The following EXOC2 variants were observed in gnomAD, a reference collection of about 807,000 sequenced individuals.
EXOC2 encodes the protein SEC5-like 1.
A neutral mutation model predicts 131.8 loss-of-function variants in EXOC2; 70 were observed. That is an observed-to-expected ratio of 0.53 (90% CI 0.44 to 0.65). The LOEUF is 0.65. Ranked by LOEUF, EXOC2 falls within the 30% of genes least tolerant of loss-of-function variation. The probability of loss-of-function intolerance (pLI) is 0.00; values close to 1 mark genes in which losing one functional copy is unlikely to be tolerated. For synonymous variants in EXOC2, 411 were observed against 398.4 expected (o/e 1.03, Z -0.38); for missense variants, 923 against 1,108.6 (o/e 0.83, Z 2.38).
At position 598,819 on chromosome 6, in the gene EXOC2, A is replaced by G; in HGVS notation, c.970+41T>C. On this transcript the variant is annotated intron_variant, in intron 9 of 27. Transcript: ENST00000230449. ...GAACACATTCCACATTCTTCCTATA[A>G]AAGGAAAGGAGAAGATCTAAAAGTA... 4 of 1,497,322 alleles carry G rather than the reference A, an allele frequency of 2.7e-6. No individual in the cohort carries two copies. The South Asian group carries it at 4.8e-5, about 18-fold the overall frequency. The allele number at this position is 1,497,322 out of a possible 1,614,324, so 92.8% of individuals were successfully genotyped here.
At chr6:536,387 A>G (rs1340203115) in intron 22 of EXOC2, among the ~76,000 whole-genome samples, 1 of 152,186 alleles carries the variant, frequency 6.6e-6, no homozygotes, top group East Asian at 1.9e-4. Context: ...ATACCTAGGA[A>G]TAAACTTAAC....
chr6:618,371 A>G (rs962704909), intron 5 of EXOC2, among the ~76,000 whole-genome samples: 3 of 152,226 alleles, frequency 2.0e-5, no homozygotes, highest in African/African-American at 4.8e-5. Flanking sequence ...GAAGACCACA[A>G]TATCTCATCT....
intron 1 of EXOC2, among the ~76,000 whole-genome samples, chr6:677,303 G>A (rs1365332591): frequency 6.6e-6 from 1 of 152,204 alleles, no homozygotes; most frequent in African/African-American, 2.4e-5. Context: ...CACTTTATAG[G>A]GATTTTGACC....
intron 3 of EXOC2, among the ~76,000 whole-genome samples, chr6:630,744 A>C (rs1004517832): frequency 1.3e-5 from 2 of 152,230 alleles, no homozygotes; most frequent in Non-Finnish European, 2.9e-5. Context: ...AGTGCTGGAA[A>C]TGTCCTAGAT....
Position 619,512 on chromosome 6 carries a change from G to A in EXOC2, c.454C>T (p.Leu152=). 1 of 1,613,984 alleles carries A rather than the reference G, an allele frequency of 6.2e-7. No homozygotes were observed. The highest frequency in any genetic ancestry group is 8.5e-7 in the Non-Finnish European group (1 of 1,179,936). The change falls in exon 5 of 28, where the codon CTA becomes TTA. Residue 152 remains leucine (L), a synonymous_variant. Coordinates refer to ENST00000230449, the MANE Select transcript of EXOC2 (RefSeq NM_018303.6). ...SKFSQKDLEM[L]FHGMSADFTS... ...AAATCAGCACTCATTCCATGGAATA[G>A]CATTTCTAAGTCCTTCTGCGAAAAT...
chr6:530,101 C>T (rs1158203620), intron 23 of EXOC2, among the ~76,000 whole-genome samples: 1 of 152,208 alleles, frequency 6.6e-6, no homozygotes, highest in African/African-American at 2.4e-5. Flanking sequence ...AAAATGAGCA[C>T]TCTCACTCAT....
intron 5 of EXOC2, among the ~76,000 whole-genome samples, chr6:619,001 G>A (rs1308727492): frequency 6.6e-6 from 1 of 152,096 alleles, no homozygotes; most frequent in Non-Finnish European, 1.5e-5. Flanking sequence ...TTTTAAGCCA[G>A]GTCCTTACAT....
In EXOC2 at chr6:632,505, A is replaced by G. The variant is rs78355689; in HGVS notation, c.295+436T>C. On this transcript the variant is annotated intron_variant, in intron 3 of 27. Transcript: ENST00000230449. The stretch of plus-strand genomic sequence containing the variant: ...GCGTTAAAAGCAGCCAAGCTAGGAA[A>G]TGTATCATCTGGGCCTTGAAGGATG... Among the ~76,000 whole-genome samples the G allele has an allele frequency of 8.8e-3, 1,333 of 152,314 alleles. 21 individuals are homozygous for G. Among genetic ancestry groups the G allele is most frequent in the African/African-American group, 0.03 (1,261 of 41,570 alleles).
intron 1 of EXOC2, among the ~76,000 whole-genome samples, chr6:652,501 G>A (rs1014161139): frequency 1.2e-4 from 19 of 152,138 alleles, no homozygotes; most frequent in Non-Finnish European, 2.5e-4. Flanking sequence ...AAACATAAAG[G>A]TTGCCAAGTT....
At chr6:492,695 A>G (rs1763508348) in intron 25 of EXOC2, among the ~76,000 whole-genome samples, 1 of 152,218 alleles carries the variant, frequency 6.6e-6, no homozygotes, top group Non-Finnish European at 1.5e-5. Context: ...TTCAGAGTAG[A>G]CAAATCATAG....
intron 17 of EXOC2, 70 bp from the exon 18 acceptor site, chr6:556,634 C>A (rs1052005835): frequency 2.6e-6 from 4 of 1,514,168 alleles, no homozygotes; most frequent in East Asian, 2.3e-5. Flanking sequence ...TTAACACAAG[C>A]GAATATGGCC....
chr6:637,334 T>C (rs1464900627), intron 2 of EXOC2, among the ~76,000 whole-genome samples: 1 of 152,064 alleles, frequency 6.6e-6, no homozygotes, highest in African/African-American at 2.4e-5. Context: ...AAAGGTGTAA[T>C]TCACACAGCC....
At chr6:490,506 A>G (rs558043396) in intron 26 of EXOC2, among the ~76,000 whole-genome samples, 40 of 152,350 alleles carry the variant, frequency 2.6e-4, no homozygotes, top group African/African-American at 8.4e-4. Context: ...AAGCTGACAG[A>G]ATGACAGCAA....
intron 10 of EXOC2, among the ~76,000 whole-genome samples, chr6:596,956 T>C (rs1759851404): frequency 1.3e-5 from 2 of 152,190 alleles, no homozygotes; most frequent in East Asian, 1.9e-4. Context: ...CTACTTTTTA[T>C]GTGCCGGGTG....
rs772466697 is a variant in EXOC2 at position 664,584 on chromosome 6, AACAGACAC to A, written c.-43-26731_-43-26724del. Among the ~76,000 whole-genome samples the A allele has an allele frequency of 1.8e-3, 268 of 152,366 alleles. 1 individual carries two copies. Among genetic ancestry groups the A allele is most frequent in the Admixed American group, 3.5e-3 (54 of 15,310 alleles). ...CAAAACAGTGTGGTACTGGTATAAA[AACAGACAC>A]ACAGACCAGTGGAAAAGAATAGAGA... is the stretch of plus-strand genomic sequence containing the variant. On this transcript the variant is annotated intron_variant, in intron 1 of 27. Transcript: ENST00000230449.
At chr6:669,507 A>C (rs1202272497) in intron 1 of EXOC2, 2 of 152,286 alleles carry the variant, frequency 1.3e-5, no homozygotes, top group Non-Finnish European at 2.9e-5. Flanking sequence ...CTTCATCTCA[A>C]GGTGAGGCAG....
chr6:562,915 T>C, intron 16 of EXOC2, 70 bp from the exon 17 acceptor site: 1 of 1,109,716 alleles, frequency 9.0e-7, no homozygotes. Context: ...ATTAAAAATG[T>C]ATACAGGTTA....
intron 17 of EXOC2, 101 bp downstream of exon 17, chr6:562,683 T>C (rs1324272956): frequency 1.0e-5 from 7 of 697,186 alleles, no homozygotes; most frequent in Admixed American, 7.8e-5. Context: ...TATTTCTATT[T>C]AGAGCTGCAA....
chr6:692,104 T>G (rs1344037334), intron 1 of EXOC2, among the ~76,000 whole-genome samples: 1 of 152,164 alleles, frequency 6.6e-6, no homozygotes, highest in African/African-American at 2.4e-5. Flanking sequence ...AAGTAACTTT[T>G]CAATATTGCA....
Sources: gnomAD v4.1 joint callset for allele counts (sites outside exome capture counted in the v4.1 genomes callset) on GRCh38, gnomAD v4.1.1 for gene constraint, MANE v1.5 for transcripts, NCBI Gene and HGNC (gene_info 2026-07-23, HGNC 2026-07-21) for gene names.